Variants in ZNF33A observed in about 807,000 individuals in gnomAD.
ZNF33A encodes the protein brain my041 protein.
ZNF33A carries 9 observed loss-of-function variants against 15.9 expected under a neutral mutation model. The observed-to-expected ratio is 0.57, with a 90% CI of 0.34 to 0.99. The LOEUF is 0.99. Ranked by LOEUF, ZNF33A falls within the 50% of genes least tolerant of loss-of-function variation. The pLI, the probability that ZNF33A is intolerant of heterozygous loss-of-function variation, is 0.02. For synonymous variants in ZNF33A, 294 were observed against 324.2 expected (o/e 0.91, Z 1.00); for missense variants, 843 against 941.6 (o/e 0.90, Z 1.37).
chr10:38,027,427 C>T (rs1450817560), intron 4 of ZNF33A, among the ~76,000 whole-genome samples: 2 of 151,924 alleles, frequency 1.3e-5, no homozygotes, highest in Admixed American at 6.6e-5. Flanking sequence ...AATTACGGCT[C>T]ACTGCAGCCT....
intron 1 of ZNF33A, 51 bp from the exon 2 acceptor site, chr10:38,012,247 T>C (rs1443293605): frequency 1.3e-6 from 2 of 1,591,250 alleles, no homozygotes; most frequent in Non-Finnish European, 1.7e-6. Context: ...ATCCAGGAGT[T>C]GCCAGGCAGG....
chr10:38,014,035 ATTTTTTTT>A (rs10658326), intron 2 of ZNF33A, among the ~76,000 whole-genome samples: 15 of 80,386 alleles, frequency 1.9e-4, no homozygotes, highest in African/African-American at 7.2e-4. Context: ...ATGATGTCTG[ATTTTTTTT>A]TTTTTTTTTT....
intron 4 of ZNF33A, among the ~76,000 whole-genome samples, chr10:38,033,251 T>G (rs577942666): frequency 4.6e-5 from 7 of 152,362 alleles, no homozygotes; most frequent in African/African-American, 1.7e-4. Context: ...GCATAACATA[T>G]TCAAGGTTCA....
intron 4 of ZNF33A, 123 bp from the exon 5 acceptor site, chr10:38,054,252 G>T (rs2066344203): frequency 9.7e-7 from 1 of 1,034,534 alleles, no homozygotes; most frequent in African/African-American, 1.7e-5. Flanking sequence ...TTGCAATTAT[G>T]TTCATCTCTG....
rs1315109551 is a variant in ZNF33A at position 38,057,895 on chromosome 10, CAG to C, written c.*1336_*1337del. ...CATTTCAAGGCTCATTGTCCCCAGA[CAG>C]GGATCTGGGCCCTCAGACTTTTGAG... On this transcript the variant is annotated 3_prime_UTR_variant, in exon 5 of 5. Coordinates refer to ENST00000432900, the MANE Select transcript of ZNF33A (RefSeq NM_006954.2). 2.3e-5 allele frequency: 23 copies of C among 985,320 alleles called. No individual in the cohort carries two copies. Among genetic ancestry groups the C allele is most frequent in the Non-Finnish European group, 2.5e-5 (21 of 829,954 alleles). 61.0% of individuals were successfully genotyped at this position (985,320 alleles called of 1,614,324 possible).
intron 1 of ZNF33A, among the ~76,000 whole-genome samples, 200 bp downstream of exon 1, chr10:38,010,983 C>CGCA (rs1400313956): frequency 5.3e-5 from 8 of 152,170 alleles, no homozygotes; most frequent in Non-Finnish European, 1.2e-4. Context: ...GAGCAGGGTA[C>CGCA]GCAGCGTGTG....
At chr10:38,026,453 G>A (rs1228419247) in intron 4 of ZNF33A, among the ~76,000 whole-genome samples, 1 of 152,170 alleles carries the variant, frequency 6.6e-6, no homozygotes, top group African/African-American at 2.4e-5. Flanking sequence ...TTCTGACTCA[G>A]CTTCCCGAGT....
At chr10:38,013,171 C>T (rs1381185077) in intron 2 of ZNF33A, among the ~76,000 whole-genome samples, 3 of 152,036 alleles carry the variant, frequency 2.0e-5, no homozygotes, top group African/African-American at 4.8e-5. Context: ...AGTACAGTGG[C>T]GCGATCTTGG....
chr10:38,061,786 C>T (rs962139718), downstream of ZNF33A, among the ~76,000 whole-genome samples: 3 of 152,034 alleles, frequency 2.0e-5, no homozygotes, highest in African/African-American at 7.2e-5. Context: ...CATGGTGAAA[C>T]CCCGTCTCTA....
chr10:38,029,373 A>G (rs1340429750), intron 4 of ZNF33A, among the ~76,000 whole-genome samples: 2 of 152,184 alleles, frequency 1.3e-5, no homozygotes, highest in Non-Finnish European at 2.9e-5. Flanking sequence ...TATGTCATCC[A>G]TCTGTCTTCA....
chr10:38,024,443 G>A (rs2064896358), intron 4 of ZNF33A, among the ~76,000 whole-genome samples: 2 of 152,170 alleles, frequency 1.3e-5, no homozygotes, highest in Non-Finnish European at 2.9e-5. Flanking sequence ...TCTCTTGATA[G>A]ATTGGAAAAC....
At chr10:38,020,021 T>C (rs1419850009) in intron 4 of ZNF33A, among the ~76,000 whole-genome samples, 1 of 152,144 alleles carries the variant, frequency 6.6e-6, no homozygotes, top group Non-Finnish European at 1.5e-5. Context: ...TTTTTATACC[T>C]AGAACAACTA....
In ZNF33A at chr10:38,057,070, A is replaced by T. The variant is rs187236266; in HGVS notation, c.*510A>T. ...AAGAAATCGATGTTACCTTGCTGGT[A>T]GATAGAGACTTAGTCAGATTTTACT... On this transcript the variant is annotated 3_prime_UTR_variant, in exon 5 of 5. Coordinates refer to ENST00000432900, the MANE Select transcript of ZNF33A (RefSeq NM_006954.2). The T allele has an allele frequency of 6.2e-6, 4 of 647,942 alleles. No individual in the cohort carries two copies. Among genetic ancestry groups the T allele is most frequent in the African/African-American group, 5.9e-5 (3 of 51,042 alleles). 40.1% of individuals were successfully genotyped at this position (647,942 alleles called of 1,614,324 possible). A position where few individuals can be genotyped will look rare whatever the true frequency, so the allele number is the denominator to read the frequency against.
intron 4 of ZNF33A, among the ~76,000 whole-genome samples, chr10:38,031,588 A>C (rs1299210248): frequency 7.7e-6 from 1 of 129,066 alleles, no homozygotes; most frequent in Non-Finnish European, 1.8e-5. Flanking sequence ...AAAAGAAAAG[A>C]AAAAAAAAAA....
At chr10:38,027,446 C>G (rs2065034122) in intron 4 of ZNF33A, among the ~76,000 whole-genome samples, 1 of 151,914 alleles carries the variant, frequency 6.6e-6, no homozygotes, top group African/African-American at 2.4e-5. Context: ...CTTGAACTTC[C>G]AGGCTCAAGT....
At chr10:38,024,083 T>G (rs2135582399) in intron 4 of ZNF33A, among the ~76,000 whole-genome samples, 1 of 139,662 alleles carries the variant, frequency 7.2e-6, no homozygotes, top group African/African-American at 2.8e-5. Context: ...ACCTGGAAGG[T>G]GGAGGTTACG....
Position 38,056,411 on chromosome 10 carries a change from A to G in ZNF33A, c.2287A>G (p.Asn763Asp), listed in dbSNP as rs1359817315. ...CAGGAAAACTTTCTCTCAAAAGTCA[A>G]ATCTCATTGTACATCAGAGAAGACA... ...TCRKTFSQKSNLIVHQRRHIG... is the reference protein window; with the variant it reads ...TCRKTFSQKSDLIVHQRRHIG... The change falls in exon 5 of 5, where the codon AAT becomes GAT. Residue 763 changes from asparagine (N) to aspartate (D), a missense_variant. Asn to Asp is a conservative substitution (Grantham distance 23, BLOSUM62 1). Transcript: ENST00000432900. The G allele has an allele frequency of 1.9e-6, 3 of 1,614,006 alleles. No individual in the cohort carries two copies. The highest frequency in any genetic ancestry group is 2.2e-5 in the East Asian group (1 of 44,878).
At chr10:38,050,466 C>T (rs1049937963) in intron 4 of ZNF33A, among the ~76,000 whole-genome samples, 2 of 152,204 alleles carry the variant, frequency 1.3e-5, no homozygotes, top group African/African-American at 2.4e-5. Context: ...CTGTTGTTGC[C>T]ATCTTGAAGT....
chr10:38,052,389 G>T (rs1046697542), intron 4 of ZNF33A, among the ~76,000 whole-genome samples: 2 of 151,712 alleles, frequency 1.3e-5, no homozygotes, highest in African/African-American at 4.8e-5. Flanking sequence ...TATTTTTTTT[G>T]CAGCTATGTC....
Sources: gnomAD v4.1 joint callset for allele counts (sites outside exome capture counted in the v4.1 genomes callset) on GRCh38, gnomAD v4.1.1 for gene constraint, MANE v1.5 for transcripts, NCBI Gene and HGNC (gene_info 2026-07-23, HGNC 2026-07-21) for gene names.